Variants in SGCZ observed in about 807,000 individuals in gnomAD.
SGCZ encodes the protein zeta-sarcoglycan.
A neutral mutation model predicts 41.3 loss-of-function variants in SGCZ; 40 were observed. The ratio of observed to expected loss-of-function variants is 0.97; its 90% CI spans 0.75 to 1.26. The LOEUF is 1.26. Ranked by LOEUF, SGCZ falls within the 50% of genes most tolerant of loss-of-function variation. The pLI, the probability that SGCZ is intolerant of heterozygous loss-of-function variation, is 0.00. For synonymous variants in SGCZ, 206 were observed against 137.5 expected, an observed-to-expected ratio of 1.50 and a Z score of -3.49; for missense variants, 552 against 369.8, an observed-to-expected ratio of 1.49 and a Z score of -4.04.
At chr8:14,335,609 G>C (rs1802480910) in intron 2 of SGCZ, among the ~76,000 whole-genome samples, 1 of 152,074 alleles carries the variant, frequency 6.6e-6, no homozygotes, top group Non-Finnish European at 1.5e-5. Flanking sequence ...TCAAGCTCCT[G>C]CCACAGGGGA....
At position 14,443,506 on chromosome 8, in the gene SGCZ, G is replaced by A. The variant is rs1027575770; in HGVS notation, c.234+111226C>T. Among the ~76,000 whole-genome samples the A allele has an allele frequency of 2.2e-3, 327 of 152,016 alleles. 1 individual carries two copies. Among genetic ancestry groups the A allele is most frequent in the Middle Eastern group, 6.8e-3 (2 of 294 alleles). ...GAACAGAGCCCTCAGAAATAACACC[G>A]CATATCTACAACTATCTGATCTTTG... On this transcript the variant is annotated intron_variant, in intron 2 of 7. Transcript: ENST00000382080.
At chr8:14,446,444 TGA>T (rs1311731542) in intron 2 of SGCZ, among the ~76,000 whole-genome samples, 2 of 152,206 alleles carry the variant, frequency 1.3e-5, no homozygotes, top group Non-Finnish European at 2.9e-5. Flanking sequence ...TTGTTCCAAA[TGA>T]CAATTCTCTG....
At chr8:14,219,617 C>T (rs564209722) in intron 4 of SGCZ, among the ~76,000 whole-genome samples, 1 of 152,166 alleles carries the variant, frequency 6.6e-6, no homozygotes, top group East Asian at 1.9e-4. Flanking sequence ...CGTGGTGGCG[C>T]GTGCCTATAG....
chr8:14,351,668 C>G (rs1355999651), intron 2 of SGCZ, among the ~76,000 whole-genome samples: 2 of 151,734 alleles, frequency 1.3e-5, no homozygotes, highest in Admixed American at 6.6e-5. Context: ...TAGATGATAA[C>G]ACAAAGAATT....
chr8:14,462,687 A>G (rs1800935632), intron 2 of SGCZ, among the ~76,000 whole-genome samples: 1 of 151,784 alleles, frequency 6.6e-6, no homozygotes, highest in Non-Finnish European at 1.5e-5. Context: ...TTCAAGCTTG[A>G]TTGTGCTCTT....
At chr8:14,224,308 T>TCAC (rs199851971) in intron 4 of SGCZ, among the ~76,000 whole-genome samples, 5,495 of 152,160 alleles carry the variant, frequency 0.036, 141 homozygotes, top group South Asian at 0.074. Flanking sequence ...AAAGAACCAA[T>TCAC]AGTGACATTG....
chr8:14,196,712 T>C (rs1805277622), intron 4 of SGCZ, among the ~76,000 whole-genome samples: 1 of 152,034 alleles, frequency 6.6e-6, no homozygotes, highest in South Asian at 2.1e-4. Context: ...GTAAAAGTAA[T>C]AGACTAATGG....
chr8:14,382,366 C>A (rs958718287), intron 2 of SGCZ, among the ~76,000 whole-genome samples: 20 of 152,128 alleles, frequency 1.3e-4, no homozygotes, highest in African/African-American at 4.1e-4. Context: ...AGACTCAAAA[C>A]TGAGGCCTCA....
chr8:14,216,202 G>C (rs1447099035), intron 4 of SGCZ, among the ~76,000 whole-genome samples: 1 of 152,118 alleles, frequency 6.6e-6, no homozygotes, highest in African/African-American at 2.4e-5. Context: ...ACATCCCCTT[G>C]TTATCTAACC....
chr8:14,482,889 G>T (rs994538343), intron 2 of SGCZ, among the ~76,000 whole-genome samples: 32 of 151,878 alleles, frequency 2.1e-4, no homozygotes, highest in Admixed American at 1.9e-3. Context: ...AACACCACTG[G>T]CTCCCCTGGG....
At chr8:14,643,728 A>C (rs1238282832) in intron 1 of SGCZ, among the ~76,000 whole-genome samples, 1 of 151,772 alleles carries the variant, frequency 6.6e-6, no homozygotes, top group Non-Finnish European at 1.5e-5. Flanking sequence ...TATCTGAAAG[A>C]TAAACCAGGC....
intron 3 of SGCZ, among the ~76,000 whole-genome samples, chr8:14,274,048 GT>G (rs1023630641): frequency 6.6e-6 from 1 of 151,334 alleles, no homozygotes; most frequent in Non-Finnish European, 1.5e-5. Flanking sequence ...TCAGGGTATT[GT>G]TTTTTTTCAA....
In SGCZ at chr8:14,793,201, C is replaced by CA. The variant is rs1326783739; in HGVS notation, c.40-238276dup. ...TGTCCAAAATGTAGCTGAAAATACC[C>CA]ACTTTGCTTCATTTTCACTGTCTAC... On this transcript the variant is annotated intron_variant, in intron 1 of 7. Transcript: ENST00000382080. Among the ~76,000 whole-genome samples, 6 of 152,266 alleles carry CA rather than the reference C, an allele frequency of 3.9e-5. No homozygotes were observed. In the East Asian group the frequency reaches 7.7e-4, roughly 20 times the overall value.
intron 1 of SGCZ, among the ~76,000 whole-genome samples, chr8:15,131,315 AG>A (rs1446552497): frequency 6.6e-6 from 1 of 152,140 alleles, no homozygotes; most frequent in Non-Finnish European, 1.5e-5. Flanking sequence ...TGGTCTTATA[AG>A]GGGTTTCCCC....
intron 1 of SGCZ, among the ~76,000 whole-genome samples, chr8:15,026,124 A>C (rs1803448678): frequency 6.8e-6 from 1 of 146,578 alleles, no homozygotes; most frequent in African/African-American, 2.5e-5. Context: ...GGTTTGTTTA[A>C]AAAAAAAAAA....
rs1554478141 is a variant in SGCZ, at chr8:14,674,928, G to GCTTTTTT, written c.40-120003_40-120002insAAAAAAG. On this transcript the variant is annotated intron_variant, in intron 1 of 7. Transcript: ENST00000382080. ...GCCAATTTAACCTCTTTTCTTTTCT[G>GCTTTTTT]TTTTTTTTTTTTTTTTTTTTTTTTT... Among the ~76,000 whole-genome samples, 219 of 71,002 alleles carry GCTTTTTT rather than the reference G, an allele frequency of 3.1e-3. 44 individuals carry two copies. Among genetic ancestry groups the GCTTTTTT allele is most frequent in the African/African-American group, 9.0e-3 (177 of 19,692 alleles). The allele number at this position is 71,002 out of a possible 152,430, so 46.6% of individuals were successfully genotyped here.
chr8:14,405,913 A>C (rs1799200597), intron 2 of SGCZ, among the ~76,000 whole-genome samples: 1 of 152,134 alleles, frequency 6.6e-6, no homozygotes, highest in Non-Finnish European at 1.5e-5. Context: ...GGTATTTTTA[A>C]ATGGAGGTGC....
intron 2 of SGCZ, among the ~76,000 whole-genome samples, chr8:14,369,085 T>C (rs1221733484): frequency 2.0e-5 from 3 of 151,342 alleles, no homozygotes; most frequent in Non-Finnish European, 4.4e-5. Flanking sequence ...TATTTTCTTA[T>C]TAAATATAGT....
At chr8:14,734,361 G>T (rs1169498646) in intron 1 of SGCZ, among the ~76,000 whole-genome samples, 8 of 152,066 alleles carry the variant, frequency 5.3e-5, no homozygotes, top group African/African-American at 1.7e-4. Flanking sequence ...ACAGCAACAA[G>T]AAATCAGAAT....
Sources: gnomAD v4.1 joint callset for allele counts (sites outside exome capture counted in the v4.1 genomes callset) on GRCh38, gnomAD v4.1.1 for gene constraint, MANE v1.5 for transcripts, NCBI Gene and HGNC (gene_info 2026-07-23, HGNC 2026-07-21) for gene names.